CSMD1: variants seen among roughly 807,000 people sequenced by gnomAD.
CSMD1 encodes the protein CUB and Sushi multiple domains 1, also known as CUB and sushi domain-containing protein 1.
CSMD1 carries 213 observed loss-of-function variants against 417.5 expected under a neutral mutation model. The ratio of observed to expected loss-of-function variants is 0.51; its 90% confidence interval spans 0.46 to 0.57. The LOEUF is 0.57. CSMD1 is among the 20% of genes least tolerant of loss of function. The pLI, the probability that CSMD1 is intolerant of heterozygous loss-of-function variation, is 0.00. For missense variants in CSMD1, 6,923 were observed against 4,529.7 expected (o/e 1.53, Z -15.17); for synonymous variants, 2,862 against 1,736.8 (o/e 1.65, Z -16.11).
At chr8:4,315,905 A>G (rs1370289354) in intron 3 of CSMD1, among the ~76,000 whole-genome samples, 1 of 152,198 alleles carries the variant, frequency 6.6e-6, no homozygotes, top group Admixed American at 6.6e-5. Context: ...AAAGCTAAAG[A>G]TGCACTCAAA....
chr8:4,857,555 G>C (rs769503385), intron 1 of CSMD1, among the ~76,000 whole-genome samples: 1 of 152,106 alleles, frequency 6.6e-6, no homozygotes, highest in African/African-American at 2.4e-5. Context: ...GAATCAAATA[G>C]ACGCAGTAAT....
intron 5 of CSMD1, among the ~76,000 whole-genome samples, chr8:3,786,191 C>T (rs1422841811): frequency 1.3e-5 from 2 of 152,124 alleles, no homozygotes; most frequent in African/African-American, 4.8e-5. Flanking sequence ...GACATGAGAT[C>T]TCCCCTGTTA....
intron 3 of CSMD1, among the ~76,000 whole-genome samples, chr8:4,319,496 G>C (rs983009524): frequency 1.3e-5 from 2 of 152,090 alleles, no homozygotes; most frequent in East Asian, 1.9e-4. Flanking sequence ...GCAGGGACCA[G>C]ATTTACTCTC....
intron 26 of CSMD1, among the ~76,000 whole-genome samples, chr8:3,257,965 G>C (rs1372925598): frequency 6.6e-6 from 1 of 152,150 alleles, no homozygotes; most frequent in Non-Finnish European, 1.5e-5. Flanking sequence ...ACCATGGAGA[G>C]GCCGTGAGAC....
At chr8:4,777,254 G>T (rs886777099) in intron 1 of CSMD1, among the ~76,000 whole-genome samples, 1 of 152,202 alleles carries the variant, frequency 6.6e-6, no homozygotes, top group Admixed American at 6.6e-5. Context: ...TGAAGCAGGA[G>T]GCAAGGCAGT....
intron 1 of CSMD1, among the ~76,000 whole-genome samples, chr8:4,644,420 T>A (rs1481277630): frequency 6.6e-6 from 1 of 152,194 alleles, no homozygotes; most frequent in East Asian, 1.9e-4. Context: ...TGCCCTATTT[T>A]TTTTTGAGAC....
At chr8:3,927,784 A>G (rs955716428) in intron 5 of CSMD1, among the ~76,000 whole-genome samples, 20 of 152,194 alleles carry the variant, frequency 1.3e-4, no homozygotes, top group African/African-American at 4.8e-4. Context: ...AAAAATACCA[A>G]ATCTACCAAA....
At chr8:4,845,977 T>C (rs1279139248) in intron 1 of CSMD1, among the ~76,000 whole-genome samples, 1 of 152,196 alleles carries the variant, frequency 6.6e-6, no homozygotes, top group Non-Finnish European at 1.5e-5. Context: ...CGGCTATAAA[T>C]TTGCTGAGTC....
intron 12 of CSMD1, among the ~76,000 whole-genome samples, chr8:3,456,268 C>T (rs984491581): frequency 7.2e-5 from 11 of 151,928 alleles, no homozygotes; most frequent in Admixed American, 1.3e-4. Flanking sequence ...ATAGGTGGGG[C>T]GATGCCTTGC....
chr8:4,824,037 T>C (rs1024142541), intron 1 of CSMD1, among the ~76,000 whole-genome samples: 4 of 151,020 alleles, frequency 2.6e-5, no homozygotes, highest in African/African-American at 7.3e-5. Context: ...CAAACATCCA[T>C]GCACCCACAC....
At chr8:4,948,909 A>G (rs760529362) in intron 1 of CSMD1, among the ~76,000 whole-genome samples, 210 of 152,146 alleles carry the variant, frequency 1.4e-3, no homozygotes, top group Non-Finnish European at 2.1e-3. Context: ...CATAAAAATA[A>G]TGTTTCCTGT....
intron 68 of CSMD1, among the ~76,000 whole-genome samples, chr8:2,947,034 A>AT (rs2128916694): frequency 6.6e-6 from 1 of 152,290 alleles, no homozygotes; most frequent in African/African-American, 2.4e-5. Flanking sequence ...AGACATATCT[A>AT]TTCAAATCTT....
intron 3 of CSMD1, among the ~76,000 whole-genome samples, chr8:4,330,084 C>A (rs12675938): frequency 2.0e-5 from 3 of 151,946 alleles, no homozygotes; most frequent in African/African-American, 7.2e-5. Context: ...TTCTTTAGAG[C>A]AATGCAAGAA....
intron 2 of CSMD1, among the ~76,000 whole-genome samples, chr8:4,509,331 T>C (rs1255719190): frequency 6.6e-6 from 1 of 152,094 alleles, no homozygotes; most frequent in Admixed American, 6.5e-5. Flanking sequence ...CCCCACCCTC[T>C]GGAAAAATAA....
intron 1 of CSMD1, among the ~76,000 whole-genome samples, chr8:4,972,976 C>G (rs1563908074): frequency 6.6e-6 from 1 of 152,084 alleles, no homozygotes; most frequent in Non-Finnish European, 1.5e-5. Flanking sequence ...TTAAAAATCA[C>G]TTGGACTTTC....
At chr8:4,301,419 A>T (rs574111313) in intron 3 of CSMD1, among the ~76,000 whole-genome samples, 1 of 152,146 alleles carries the variant, frequency 6.6e-6, no homozygotes, top group African/African-American at 2.4e-5. Flanking sequence ...TGGTACTGGG[A>T]AAGATATGTT....
At chr8:3,895,748 C>T (rs1333063779) in intron 5 of CSMD1, among the ~76,000 whole-genome samples, 1 of 152,112 alleles carries the variant, frequency 6.6e-6, no homozygotes, top group African/African-American at 2.4e-5. Flanking sequence ...TTATTCATTC[C>T]TAATTCAGTC....
intron 3 of CSMD1, among the ~76,000 whole-genome samples, chr8:4,366,782 T>G (rs1016998108): frequency 2.0e-5 from 3 of 152,160 alleles, no homozygotes; most frequent in Non-Finnish European, 4.4e-5. Flanking sequence ...TACATATACA[T>G]GTGCCATGCT....
At chr8:3,689,365 G>C (rs1357927609) in intron 7 of CSMD1, among the ~76,000 whole-genome samples, 3 of 152,198 alleles carry the variant, frequency 2.0e-5, no homozygotes, top group Non-Finnish European at 4.4e-5. Flanking sequence ...CACCCTTGCT[G>C]ATGCCATCAG....
Sources: allele counts gnomAD v4.1 joint callset (sites outside exome capture counted in the v4.1 genomes callset), GRCh38; gene constraint gnomAD v4.1.1; transcripts MANE v1.5; gene names NCBI Gene and HGNC (gene_info 2026-07-23, HGNC 2026-07-21).